The following SH3GL2 variants were observed in gnomAD, a reference collection of about 807,000 sequenced individuals.
The protein encoded by SH3GL2 is SH3 domain containing GRB2 like 2, endophilin A1.
A neutral mutation model predicts 46.0 loss-of-function variants in SH3GL2; 24 were observed. The observed-to-expected ratio is 0.52, with a 90% CI of 0.38 to 0.73. SH3GL2 has a LOEUF of 0.73. SH3GL2 is among the 30% of genes least tolerant of loss of function. SH3GL2 has a pLI of 0.00. For missense variants in SH3GL2, 413 were observed against 424.2 expected, an observed-to-expected ratio of 0.97 and a Z score of 0.23; for synonymous variants, 196 against 147.1, an observed-to-expected ratio of 1.33 and a Z score of -2.40.
Position 17,653,823 on chromosome 9 carries a change from A to C in SH3GL2, c.45+74536A>C, listed in dbSNP as rs1031759306. On this transcript the variant is annotated intron_variant, in intron 1 of 8. Coordinates refer to ENST00000380607, the MANE Select transcript of SH3GL2 (RefSeq NM_003026.5). Reference sequence around the variant, plus strand: ...ATTGGGCTAGTCTTATCAAAGAAGAAGACAGATACTGCCTTGGTGAACATT... The same window carrying C: ...ATTGGGCTAGTCTTATCAAAGAAGACGACAGATACTGCCTTGGTGAACATT... 9.4e-6 allele frequency: 9 copies of C among 962,256 alleles called. No homozygotes were observed. In the African/African-American group the frequency reaches 1.2e-4, roughly 13 times the overall value. 59.6% of individuals were successfully genotyped at this position (962,256 alleles called of 1,614,324 possible).
chr9:17,742,612 A>G (rs181151054), intron 1 of SH3GL2, among the ~76,000 whole-genome samples: 2 of 152,180 alleles, frequency 1.3e-5, no homozygotes, highest in Non-Finnish European at 2.9e-5. Flanking sequence ...AGTATTCACA[A>G]AACTACATTG....
chr9:17,702,816 A>T (rs974507658), intron 1 of SH3GL2, among the ~76,000 whole-genome samples: 7 of 152,046 alleles, frequency 4.6e-5, no homozygotes, highest in Non-Finnish European at 7.4e-5. Context: ...TGGTTTTTTT[A>T]AAGAGATTAA....
Position 17,600,431 on chromosome 9 carries a change from G to A in SH3GL2, c.45+21144G>A, listed in dbSNP as rs115505837. On this transcript the variant is annotated intron_variant, in intron 1 of 8. Coordinates refer to ENST00000380607, the MANE Select transcript of SH3GL2 (RefSeq NM_003026.5). ...CCACACAAGCCTTTCTCAGGGAGAC[G>A]GTTAAACAGCACAGCTGGCTCCGAT... is the stretch of plus-strand genomic sequence containing the variant. Among the ~76,000 whole-genome samples the A allele has an allele frequency of 5.2e-4, 79 of 152,248 alleles. 1 individual carries two copies. The highest frequency in any genetic ancestry group is 1.8e-3 in the African/African-American group (75 of 41,556).
intron 1 of SH3GL2, among the ~76,000 whole-genome samples, chr9:17,726,675 A>G (rs1178373179): frequency 6.6e-6 from 1 of 152,188 alleles, no homozygotes; most frequent in African/African-American, 2.4e-5. Context: ...TAGGCAGGCT[A>G]TAAAATAGGA....
chr9:17,583,372 A>C (rs889459061), intron 1 of SH3GL2, among the ~76,000 whole-genome samples: 1 of 152,176 alleles, frequency 6.6e-6, no homozygotes, highest in African/African-American at 2.4e-5. Flanking sequence ...GGCACTCATG[A>C]TTAAGTCATG....
At chr9:17,611,026 A>T (rs1818854516) in intron 1 of SH3GL2, among the ~76,000 whole-genome samples, 1 of 152,214 alleles carries the variant, frequency 6.6e-6, no homozygotes, top group Non-Finnish European at 1.5e-5. Flanking sequence ...ATTGACAATT[A>T]ACTGGATTTT....
At chr9:17,753,279 A>C (rs1822898869) in intron 2 of SH3GL2, among the ~76,000 whole-genome samples, 1 of 152,212 alleles carries the variant, frequency 6.6e-6, no homozygotes, top group South Asian at 2.1e-4. Flanking sequence ...TTGAGGAATC[A>C]CCACACTATC....
At chr9:17,630,623 A>T (rs1392019156) in intron 1 of SH3GL2, among the ~76,000 whole-genome samples, 1 of 152,178 alleles carries the variant, frequency 6.6e-6, no homozygotes, top group African/African-American at 2.4e-5. Flanking sequence ...TGTCTTTAAG[A>T]CTTTTGTGAT....
At chr9:17,625,678 T>C (rs1819265546) in intron 1 of SH3GL2, among the ~76,000 whole-genome samples, 1 of 152,246 alleles carries the variant, frequency 6.6e-6, no homozygotes, top group Admixed American at 6.5e-5. Context: ...TCTTTGTGCT[T>C]TCTTCTTGTC....
intron 1 of SH3GL2, among the ~76,000 whole-genome samples, chr9:17,718,148 T>C (rs1325762483): frequency 6.6e-6 from 1 of 152,118 alleles, no homozygotes; most frequent in Non-Finnish European, 1.5e-5. Context: ...GCAGTTGTAA[T>C]ACTTTAGCAT....
At chr9:17,632,878 G>A (rs1819463653) in intron 1 of SH3GL2, among the ~76,000 whole-genome samples, 1 of 152,200 alleles carries the variant, frequency 6.6e-6, no homozygotes, top group Admixed American at 6.5e-5. Flanking sequence ...CAGCTTTGTT[G>A]TAAACAGGTA....
rs1389850877 is a variant in SH3GL2 at position 17,796,303 on chromosome 9, AG to A, written c.*562del. 6.5e-6 allele frequency: 1 copy of A among 152,866 alleles called. No homozygotes were observed. The highest frequency in any genetic ancestry group is 1.9e-4 in the East Asian group (1 of 5,200). The allele number at this position is 152,866 out of a possible 1,614,324, so 9.5% of individuals were successfully genotyped here. On this transcript the variant is annotated 3_prime_UTR_variant, in exon 9 of 9. Coordinates refer to ENST00000380607, the MANE Select transcript of SH3GL2 (RefSeq NM_003026.5). ...TGGGTTCAAAGCATTCTCTGCAAAT[AG>A]GCATCTCAGCTCCTCACACTTATGG...
intron 2 of SH3GL2, among the ~76,000 whole-genome samples, chr9:17,748,566 TA>T (rs111762975): frequency 9.3e-5 from 14 of 150,268 alleles, no homozygotes; most frequent in East Asian, 2.0e-4. Context: ...TGTGAGAAAT[TA>T]AAAAAAAAAT....
At chr9:17,700,661 G>A (rs1287145201) in intron 1 of SH3GL2, among the ~76,000 whole-genome samples, 1 of 151,838 alleles carries the variant, frequency 6.6e-6, no homozygotes, top group Non-Finnish European at 1.5e-5. Flanking sequence ...TCTCTATTCT[G>A]TGCTTGTGAT....
intron 1 of SH3GL2, among the ~76,000 whole-genome samples, chr9:17,665,889 A>G (rs1316050852): frequency 6.8e-6 from 1 of 146,478 alleles, no homozygotes; most frequent in Non-Finnish European, 1.5e-5. Context: ...CCATCCATCT[A>G]GTTGTCCGTC....
intron 1 of SH3GL2, among the ~76,000 whole-genome samples, chr9:17,731,705 C>T (rs1246623529): frequency 2.6e-5 from 4 of 152,134 alleles, no homozygotes; most frequent in Non-Finnish European, 5.9e-5. Flanking sequence ...GATAGACTCC[C>T]TCATCGCTGT....
chr9:17,664,487 G>A (rs1820296007), intron 1 of SH3GL2, among the ~76,000 whole-genome samples: 1 of 152,012 alleles, frequency 6.6e-6, no homozygotes, highest in Non-Finnish European at 1.5e-5. Context: ...GAAGTATAAT[G>A]ATCTTGAGCT....
At chr9:17,586,732 C>G (rs951529688) in intron 1 of SH3GL2, among the ~76,000 whole-genome samples, 4 of 152,134 alleles carry the variant, frequency 2.6e-5, no homozygotes, top group African/African-American at 4.8e-5. Context: ...CTCACTATCA[C>G]GAGAACAGTG....
intron 3 of SH3GL2, among the ~76,000 whole-genome samples, chr9:17,773,752 T>A (rs1434929322): frequency 6.6e-6 from 1 of 152,062 alleles, no homozygotes; most frequent in Non-Finnish European, 1.5e-5. Context: ...TCTAGCTTTG[T>A]TTTTTTAAGA....
Sources: gnomAD v4.1 joint callset for allele counts (sites outside exome capture counted in the v4.1 genomes callset) on GRCh38, gnomAD v4.1.1 for gene constraint, MANE v1.5 for transcripts, NCBI Gene and HGNC (gene_info 2026-07-23, HGNC 2026-07-21) for gene names.